Variants in CCDC62 observed in about 807,000 individuals in gnomAD.
The protein encoded by CCDC62 is coiled-coil domain containing 62.
In CCDC62, 72 loss-of-function variants were observed where a neutral mutation model predicts 80.8. That is an observed-to-expected ratio of 0.89 (90% confidence interval 0.74 to 1.08). The LOEUF is 1.08. CCDC62 is among the 50% of genes least tolerant of loss of function. The pLI is 0.00. For synonymous variants in CCDC62, 286 were observed against 296.5 expected, an observed-to-expected ratio of 0.96 and a Z score of 0.36; for missense variants, 704 against 809.4, an observed-to-expected ratio of 0.87 and a Z score of 1.58.
At chr12:122,774,851 A>C in intron 1 of CCDC62, 145 bp downstream of exon 1, 1 of 465,928 alleles carries the variant, frequency 2.1e-6, no homozygotes, top group Non-Finnish European at 3.3e-6. Flanking sequence ...GCGCTTTGGG[A>C]GGCGGAGGCG....
In CCDC62 at chr12:122,801,112, A is replaced by G; in HGVS notation, c.978-12A>G. ...TCTTATAACCTCCATTTTTTTTCTA[A>G]TGCCACCATAGCAGAGACATGTGTT... is the stretch of plus-strand genomic sequence containing the variant. On this transcript the variant is annotated splice_polypyrimidine_tract_variant and intron_variant, in intron 8 of 12. Coordinates refer to ENST00000253079, the MANE Select transcript of CCDC62 (RefSeq NM_201435.5). The G allele has an allele frequency of 1.3e-6, 2 of 1,583,806 alleles. No individual in the cohort carries two copies. Among genetic ancestry groups the G allele is most frequent in the Non-Finnish European group, 8.5e-7 (1 of 1,169,802 alleles).
chr12:122,806,379 GC>G, intron 10 of CCDC62, 84 bp downstream of exon 10: 2 of 1,101,456 alleles, frequency 1.8e-6, no homozygotes, highest in Non-Finnish European at 2.4e-6. Context: ...ACCACTGTTA[GC>G]TTGCTTATTT....
chr12:122,780,363 C>T (rs1273040344), intron 2 of CCDC62, among the ~76,000 whole-genome samples: 3 of 150,638 alleles, frequency 2.0e-5, no homozygotes, highest in Non-Finnish European at 4.4e-5. Context: ...CCTGTAATCC[C>T]AGCACTTTGG....
chr12:122,810,950 C>T (rs1411438471), intron 10 of CCDC62, among the ~76,000 whole-genome samples: 2 of 142,014 alleles, frequency 1.4e-5, no homozygotes, highest in South Asian at 4.3e-4. Flanking sequence ...TGTTCTCACT[C>T]ATAGGTGGGA....
intron 5 of CCDC62, among the ~76,000 whole-genome samples, chr12:122,789,973 C>T (rs942127875): frequency 1.3e-5 from 2 of 152,124 alleles, no homozygotes; most frequent in Admixed American, 1.3e-4. Flanking sequence ...TTTATATACA[C>T]CGAGGTAAAA....
intron 2 of CCDC62, 43 bp downstream of exon 2, chr12:122,777,726 G>T (rs1879568641): frequency 6.5e-7 from 1 of 1,534,070 alleles, no homozygotes; most frequent in Admixed American, 1.7e-5. Context: ...ACTTCTGTGT[G>T]CTAACACATT....
intron 3 of CCDC62, among the ~76,000 whole-genome samples, chr12:122,785,411 T>G (rs554130570): frequency 1.3e-5 from 2 of 152,270 alleles, no homozygotes; most frequent in East Asian, 3.9e-4. Flanking sequence ...TAAAAGATAC[T>G]AGGAAATAGA....
At chr12:122,780,008 A>G (rs549012276) in intron 2 of CCDC62, among the ~76,000 whole-genome samples, 1 of 151,822 alleles carries the variant, frequency 6.6e-6, no homozygotes, top group South Asian at 2.1e-4. Context: ...ATGACCATCA[A>G]TATTAGAAAT....
At chr12:122,791,328 G>A (rs746048361) in intron 5 of CCDC62, among the ~76,000 whole-genome samples, 2 of 151,794 alleles carry the variant, frequency 1.3e-5, no homozygotes, top group South Asian at 2.1e-4. Context: ...TAGTAGAGAC[G>A]GGGTTTTACC....
intron 11 of CCDC62, among the ~76,000 whole-genome samples, chr12:122,818,523 T>A: frequency 6.9e-6 from 1 of 145,498 alleles, no homozygotes; most frequent in African/African-American, 2.6e-5. Context: ...ACTTGGGAGG[T>A]TGAGGGGGGA....
chr12:122,822,326 G>A (rs1310975511), intron 11 of CCDC62, among the ~76,000 whole-genome samples: 1 of 151,640 alleles, frequency 6.6e-6, no homozygotes, highest in Non-Finnish European at 1.5e-5. Flanking sequence ...GGATGGTCTC[G>A]AGCTCTTGAC....
intron 1 of CCDC62, 37 bp from the exon 2 acceptor site, chr12:122,777,454 C>G: frequency 6.5e-7 from 1 of 1,544,204 alleles, no homozygotes; most frequent in Non-Finnish European, 8.8e-7. Flanking sequence ...TTATTGATTT[C>G]ATTCTATTTT....
At position 122,798,101 on chromosome 12, in the gene CCDC62, A is replaced by T; in HGVS notation, c.878A>T (p.Gln293Leu). 1 of 1,509,188 alleles carries T rather than the reference A, an allele frequency of 6.6e-7. No homozygotes were observed. Among genetic ancestry groups the T allele is most frequent in the Non-Finnish European group, 9.2e-7 (1 of 1,085,326 alleles). 93.5% of individuals were successfully genotyped at this position (1,509,188 alleles called of 1,614,324 possible). A position where few individuals can be genotyped will look rare whatever the true frequency, so the allele number is the denominator to read the frequency against. ...HNLRQIYVKQ[Q>L]SDLQFLNFNV... ...CTATGACAGATTTATGTAAAACAAC[A>T]GAGTGATCTGCAGTTTCTTAATTTC... The change falls in exon 8 of 13, where the codon CAG becomes CTG. Residue 293 changes from glutamine to leucine, a missense_variant. Coordinates refer to ENST00000253079, the MANE Select transcript of CCDC62 (RefSeq NM_201435.5).
rs375333901 is a variant in CCDC62 at position 122,792,103 on chromosome 12, G to A, written c.754G>A (p.Asp252Asn). Residue 252 changes from aspartate (D) to asparagine (N), a missense_variant, in exon 6 of 13, where the codon GAT becomes AAT. By Grantham distance (23) the Asp-to-Asn change is conservative. Transcript: ENST00000253079. ...RLKQEKSCLH[D>N]ELLFTVEREK... ...CAAGCAAGAGAAAAGTTGCCTGCAC[G>A]ATGAATTGCTTTTTACTGGTAAAAC... The A allele has an allele frequency of 9.3e-6, 15 of 1,608,814 alleles. No individual in the cohort carries two copies. The African/African-American group carries it at 9.4e-5, about 10-fold the overall frequency.
At chr12:122,801,037 A>G in intron 8 of CCDC62, 87 bp from the exon 9 acceptor site, 1 of 1,370,028 alleles carries the variant, frequency 7.3e-7, no homozygotes, top group Non-Finnish European at 1.0e-6. Flanking sequence ...ATTGGGATTT[A>G]GCTCTACTGA....
intron 9 of CCDC62, among the ~76,000 whole-genome samples, chr12:122,803,726 G>T (rs374578245): frequency 1.3e-5 from 2 of 152,140 alleles, no homozygotes; most frequent in African/African-American, 4.8e-5. Flanking sequence ...CGGTCATCAC[G>T]CTAAATGTCA....
chr12:122,790,898 A>G (rs1391282239), intron 5 of CCDC62, among the ~76,000 whole-genome samples: 1 of 151,836 alleles, frequency 6.6e-6, no homozygotes, highest in Non-Finnish European at 1.5e-5. Context: ...CACTTAGGAA[A>G]TTCCACAAGT....
intron 11 of CCDC62, among the ~76,000 whole-genome samples, chr12:122,820,538 A>G (rs1396677134): frequency 6.6e-6 from 1 of 152,120 alleles, no homozygotes. Context: ...TTTTAAACGA[A>G]TAAGAGAAAA....
intron 12 of CCDC62, among the ~76,000 whole-genome samples, chr12:122,824,597 A>T (rs975296200): frequency 1.3e-5 from 2 of 151,486 alleles, no homozygotes; most frequent in Non-Finnish European, 2.9e-5. Context: ...TATGGAAAAC[A>T]GTGTGGAGGT....
Sources: allele counts gnomAD v4.1 joint callset (sites outside exome capture counted in the v4.1 genomes callset), GRCh38; gene constraint gnomAD v4.1.1; transcripts MANE v1.5; gene names NCBI Gene and HGNC (gene_info 2026-07-23, HGNC 2026-07-21).